ROBO1: variants seen among roughly 807,000 people sequenced by gnomAD.
ROBO1 encodes the protein roundabout homolog 1.
ROBO1 carries 149 observed loss-of-function variants against 195.9 expected under a neutral mutation model. The ratio of observed to expected loss-of-function variants is 0.76; its 90% confidence interval spans 0.67 to 0.87. The LOEUF is 0.87. Ranked by LOEUF, ROBO1 falls within the 40% of genes least tolerant of loss-of-function variation. ROBO1 has a pLI of 0.00. For synonymous variants in ROBO1, 816 were observed against 733.2 expected (o/e 1.11, Z -1.82); for missense variants, 1,933 against 2,068.3 (o/e 0.93, Z 1.27).
intron 2 of ROBO1, among the ~76,000 whole-genome samples, chr3:79,168,763 T>A (rs1394962078): frequency 5.9e-5 from 9 of 151,898 alleles, no homozygotes. Flanking sequence ...AATACAGGAG[T>A]AGATAATATA....
At chr3:79,078,578 A>C (rs890010522) in intron 3 of ROBO1, among the ~76,000 whole-genome samples, 2 of 151,838 alleles carry the variant, frequency 1.3e-5, no homozygotes, top group African/African-American at 2.4e-5. Flanking sequence ...TCCAAGCCAT[A>C]ATAGTTCTTG....
chr3:78,916,323 T>C lies in ROBO1; in HGVS notation c.499+22278A>G, dbSNP rs183924067. Among the ~76,000 whole-genome samples, 4 of 149,482 alleles carry C rather than the reference T, an allele frequency of 2.7e-5. No homozygotes were observed. In the East Asian group the frequency reaches 8.0e-4, roughly 30 times the overall value. On this transcript the variant is annotated intron_variant, in intron 4 of 30. Coordinates refer to ENST00000464233, the MANE Select transcript of ROBO1 (RefSeq NM_002941.4). Reference sequence around the variant, plus strand: ...ATCCCAGCACTTTGGGAAGCCGAGGTGGGCGAACCACCTGAGGTCAAAACT... The same window carrying C: ...ATCCCAGCACTTTGGGAAGCCGAGGCGGGCGAACCACCTGAGGTCAAAACT...
At chr3:79,256,624 A>G (rs1255756618) in intron 2 of ROBO1, among the ~76,000 whole-genome samples, 2 of 152,158 alleles carry the variant, frequency 1.3e-5, no homozygotes, top group Non-Finnish European at 2.9e-5. Flanking sequence ...ATTCATCTAA[A>G]TTCTGTCATC....
intron 8 of ROBO1, among the ~76,000 whole-genome samples, chr3:78,695,632 AAAAAAAAAAAAG>A (rs1044684683): frequency 2.0e-5 from 3 of 150,316 alleles, no homozygotes; most frequent in African/African-American, 7.3e-5. Context: ...TCTCAAAAAA[AAAAAAAAAAAAG>A]AAAAGAAAAC....
chr3:78,939,745 C>T (rs1021502807), intron 3 of ROBO1, among the ~76,000 whole-genome samples: 3 of 150,980 alleles, frequency 2.0e-5, no homozygotes, highest in Admixed American at 1.3e-4. Context: ...ATACACTTCC[C>T]CAGAGTTTTT....
intron 2 of ROBO1, among the ~76,000 whole-genome samples, chr3:79,322,034 T>C (rs1054781423): frequency 6.6e-6 from 1 of 152,178 alleles, no homozygotes; most frequent in African/African-American, 2.4e-5. Flanking sequence ...ATGCTACTAA[T>C]TCTACTGGTC....
chr3:79,347,186 T>C (rs1203674218), intron 2 of ROBO1, among the ~76,000 whole-genome samples: 1 of 152,176 alleles, frequency 6.6e-6, no homozygotes. Context: ...TGGAGAGTTG[T>C]AATTTTTCTT....
chr3:78,603,790 T>G (rs572190928), intron 29 of ROBO1, among the ~76,000 whole-genome samples: 11 of 152,182 alleles, frequency 7.2e-5, no homozygotes, highest in African/African-American at 2.4e-4. Context: ...AAATAAAAAT[T>G]TGGAAAAGCA....
chr3:79,000,367 G>A (rs941627497), intron 3 of ROBO1, among the ~76,000 whole-genome samples: 12 of 152,156 alleles, frequency 7.9e-5, no homozygotes, highest in African/African-American at 1.2e-4. Context: ...CCATTCTGGA[G>A]CTAGCATGTT....
At chr3:79,351,599 T>C (rs751607777) in intron 2 of ROBO1, among the ~76,000 whole-genome samples, 2 of 152,194 alleles carry the variant, frequency 1.3e-5, no homozygotes, top group African/African-American at 4.8e-5. Context: ...ATACTTCTCA[T>C]AGTTCTTTGC....
chr3:79,691,639 A>C (rs1947300658), intron 1 of ROBO1, among the ~76,000 whole-genome samples: 1 of 151,798 alleles, frequency 6.6e-6, no homozygotes, highest in African/African-American at 2.4e-5. Context: ...TCCAATATAA[A>C]TGTAAGTATT....
intron 1 of ROBO1, among the ~76,000 whole-genome samples, chr3:79,675,699 G>A (rs1009217429): frequency 6.6e-6 from 1 of 151,934 alleles, no homozygotes; most frequent in Non-Finnish European, 1.5e-5. Flanking sequence ...GGAAAAACAG[G>A]TTTAATCTTT....
At chr3:78,731,580 A>C (rs2082287726) in intron 5 of ROBO1, among the ~76,000 whole-genome samples, 1 of 152,158 alleles carries the variant, frequency 6.6e-6, no homozygotes, top group African/African-American at 2.4e-5. Flanking sequence ...AATTGTTCAC[A>C]ATCTAAGAGA....
intron 8 of ROBO1, among the ~76,000 whole-genome samples, chr3:78,698,698 C>A (rs2081354592): frequency 6.6e-6 from 1 of 152,086 alleles, no homozygotes; most frequent in South Asian, 2.1e-4. Flanking sequence ...GTCAACAGTG[C>A]CAAGATTCAG....
At chr3:78,655,454 C>G (rs1706946294) in intron 18 of ROBO1, among the ~76,000 whole-genome samples, 1 of 152,116 alleles carries the variant, frequency 6.6e-6, no homozygotes, top group African/African-American at 2.4e-5. Flanking sequence ...GGCCCAGGGT[C>G]CACTTCAGAA....
intron 4 of ROBO1, among the ~76,000 whole-genome samples, chr3:78,923,075 T>C (rs2039031799): frequency 6.6e-6 from 1 of 152,180 alleles, no homozygotes; most frequent in Admixed American, 6.5e-5. Context: ...ATGCAATTAT[T>C]AAGCAAGATA....
intron 2 of ROBO1, among the ~76,000 whole-genome samples, chr3:79,471,321 A>G (rs1273011464): frequency 6.6e-6 from 1 of 152,212 alleles, no homozygotes; most frequent in Non-Finnish European, 1.5e-5. Flanking sequence ...TATATTAAAC[A>G]GGCTTTTGCA....
chr3:79,498,420 T>C (rs1260594102), intron 2 of ROBO1, among the ~76,000 whole-genome samples: 1 of 152,224 alleles, frequency 6.6e-6, no homozygotes, highest in African/African-American at 2.4e-5. Flanking sequence ...CTTACTTTAA[T>C]ATTACTGTTG....
At chr3:79,269,109 G>A (rs1264711655) in intron 2 of ROBO1, among the ~76,000 whole-genome samples, 1 of 151,512 alleles carries the variant, frequency 6.6e-6, no homozygotes, top group East Asian at 1.9e-4. Context: ...CAAATGTGGT[G>A]CAGAGACTGA....
Sources: allele counts gnomAD v4.1 joint callset (sites outside exome capture counted in the v4.1 genomes callset), GRCh38; gene constraint gnomAD v4.1.1; transcripts MANE v1.5; gene names NCBI Gene and HGNC (gene_info 2026-07-23, HGNC 2026-07-21).